The following AP4S1 variants were observed in gnomAD, a reference collection of about 807,000 sequenced individuals.
The protein encoded by AP4S1 is adaptor related protein complex 4 subunit sigma 1, also known as AP-4 complex subunit sigma-1.
In AP4S1, 23 loss-of-function variants were observed where a neutral mutation model predicts 19.8. That is an observed-to-expected ratio of 1.16 (90% CI 0.84 to 1.65). The LOEUF (loss-of-function observed/expected upper bound fraction) is 1.65. AP4S1 is among the 40% of genes most tolerant of loss of function. The pLI, the probability that AP4S1 is intolerant of heterozygous loss-of-function variation, is 0.00. For missense variants in AP4S1, 166 were observed against 172.8 expected, an observed-to-expected ratio of 0.96 and a Z score of 0.22; for synonymous variants, 46 against 54.1, an observed-to-expected ratio of 0.85 and a Z score of 0.66.
intron 1 of AP4S1, among the ~76,000 whole-genome samples, chr14:31,056,347 G>GT (rs1299955565): frequency 6.6e-6 from 1 of 150,376 alleles, no homozygotes; most frequent in South Asian, 2.1e-4. Flanking sequence ...TACCATACTT[G>GT]TTTTTTTTCT....
chr14:31,074,554 C>T (rs1408813429), intron 4 of AP4S1, among the ~76,000 whole-genome samples: 3 of 151,688 alleles, frequency 2.0e-5, no homozygotes, highest in Non-Finnish European at 4.4e-5. Flanking sequence ...TGGTGGCGGG[C>T]GCCTGTAGTA....
At chr14:31,078,722 A>G (rs117663387) in intron 4 of AP4S1, among the ~76,000 whole-genome samples, 180 of 152,322 alleles carry the variant, frequency 1.2e-3, no homozygotes, top group Non-Finnish European at 2.2e-3. Flanking sequence ...AGGGAGAGTC[A>G]GTGACCACAT....
chr14:31,058,527 ATG>A (rs140119208), intron 1 of AP4S1, among the ~76,000 whole-genome samples: 2,353 of 136,520 alleles, frequency 0.017, 41 homozygotes, highest in East Asian at 0.048. Context: ...CTGTGTGTGT[ATG>A]TGTGTGTGTG....
At chr14:31,039,654 G>A (rs1350032133) in intron 1 of AP4S1, among the ~76,000 whole-genome samples, 2 of 147,246 alleles carry the variant, frequency 1.4e-5, no homozygotes, top group Non-Finnish European at 3.0e-5. Context: ...CTCACTGCAA[G>A]CTCCGCCTCC....
At chr14:31,037,441 C>T (rs1248556329) in intron 1 of AP4S1, among the ~76,000 whole-genome samples, 2 of 152,112 alleles carry the variant, frequency 1.3e-5, no homozygotes, top group Non-Finnish European at 2.9e-5. Context: ...CTTTGCTTCT[C>T]TTCACTCTTG....
chr14:31,056,772 G>A (rs1198159305), intron 1 of AP4S1, among the ~76,000 whole-genome samples: 1 of 152,206 alleles, frequency 6.6e-6, no homozygotes, highest in Non-Finnish European at 1.5e-5. Context: ...TGAAGTTAAT[G>A]CTCATTAAGC....
intron 1 of AP4S1, among the ~76,000 whole-genome samples, chr14:31,049,428 AATATAT>A (rs1182207910): frequency 0.023 from 1,310 of 57,598 alleles, 29 homozygotes; most frequent in East Asian, 0.07. Flanking sequence ...AAAAAAAAAA[AATATAT>A]ATATATATAT....
chr14:31,067,252 G>A (rs1886770094), intron 2 of AP4S1, among the ~76,000 whole-genome samples: 3 of 150,644 alleles, frequency 2.0e-5, no homozygotes, highest in Admixed American at 1.3e-4. Context: ...TTAAAACTGC[G>A]TCCTTTTTTT....
chr14:31,042,124 C>A (rs1257180037), intron 1 of AP4S1, among the ~76,000 whole-genome samples: 2 of 152,202 alleles, frequency 1.3e-5, no homozygotes, highest in Non-Finnish European at 2.9e-5. Flanking sequence ...AGCCACCGCA[C>A]CCGGCCAACA....
chr14:31,067,876 A>AT (rs111376966), intron 2 of AP4S1, among the ~76,000 whole-genome samples: 9,008 of 139,756 alleles, frequency 0.064, 359 homozygotes, highest in African/African-American at 0.12. Context: ...TGAACACAAT[A>AT]TTTTTTTTTT....
At chr14:31,037,793 A>T (rs765194397) in intron 1 of AP4S1, among the ~76,000 whole-genome samples, 128 of 152,190 alleles carry the variant, frequency 8.4e-4, no homozygotes, top group Non-Finnish European at 1.6e-3. Context: ...CTACAAAAAA[A>T]TAAGAAAAAA....
At chr14:31,078,468 G>C (rs938941208) in intron 4 of AP4S1, among the ~76,000 whole-genome samples, 1 of 152,010 alleles carries the variant, frequency 6.6e-6, no homozygotes. Context: ...ACCTTGTGAT[G>C]ACCACTCTCT....
chr14:31,062,476 G>A (rs1400767769), intron 1 of AP4S1, among the ~76,000 whole-genome samples: 1 of 152,180 alleles, frequency 6.6e-6, no homozygotes, highest in Non-Finnish European at 1.5e-5. Flanking sequence ...TAGGTGTCAG[G>A]AAAGTCTGTG....
chr14:31,068,863 A>G (rs1886860929), intron 2 of AP4S1, among the ~76,000 whole-genome samples: 1 of 152,046 alleles, frequency 6.6e-6, no homozygotes, highest in African/African-American at 2.4e-5. Flanking sequence ...AATGTTCCTC[A>G]GTTCTTTCAA....
chr14:31,043,697 A>G (rs1260791419), intron 1 of AP4S1, among the ~76,000 whole-genome samples: 2 of 152,216 alleles, frequency 1.3e-5, no homozygotes, highest in African/African-American at 4.8e-5. Flanking sequence ...GCAAAGAAAC[A>G]ATGTTTTTGT....
chr14:31,049,425 AAAAATATATATATATAT>A (rs1174602705), intron 1 of AP4S1, among the ~76,000 whole-genome samples: 1 of 42,686 alleles, frequency 2.3e-5, no homozygotes, highest in African/African-American at 1.3e-4. Context: ...AAAAAAAAAA[AAAAATATATATATATAT>A]ATATATATAT....
intron 1 of AP4S1, among the ~76,000 whole-genome samples, chr14:31,060,632 A>G (rs1057368909): frequency 5.3e-5 from 8 of 152,186 alleles, no homozygotes; most frequent in Admixed American, 1.3e-4. Flanking sequence ...AAAATCCCCA[A>G]AGAAAAAAAT....
At chr14:31,068,404 G>A (rs901682882) in intron 2 of AP4S1, among the ~76,000 whole-genome samples, 1 of 152,240 alleles carries the variant, frequency 6.6e-6, no homozygotes, top group African/African-American at 2.4e-5. Flanking sequence ...TGGTACAAAT[G>A]TGTCTCCCTT....
chr14:31,057,366 A>G (rs773923480), intron 1 of AP4S1, among the ~76,000 whole-genome samples: 8 of 152,232 alleles, frequency 5.3e-5, no homozygotes, highest in Non-Finnish European at 8.8e-5. Context: ...CAAAGCAGCT[A>G]TTAACAGTTA....
Sources: allele counts gnomAD v4.1 joint callset (sites outside exome capture counted in the v4.1 genomes callset), GRCh38; gene constraint gnomAD v4.1.1; transcripts MANE v1.5; gene names NCBI Gene and HGNC (gene_info 2026-07-23, HGNC 2026-07-21).